Variants in SLIT2 observed in about 807,000 individuals in gnomAD.
SLIT2 encodes the protein slit homolog 2 protein.
A neutral mutation model predicts 185.7 loss-of-function variants in SLIT2; 41 were observed. The ratio of observed to expected loss-of-function variants is 0.22; its 90% CI spans 0.17 to 0.29. SLIT2 has a LOEUF of 0.29. Ranked by LOEUF, SLIT2 falls within the 10% of genes least tolerant of loss-of-function variation. The pLI, the probability that SLIT2 is intolerant of heterozygous loss-of-function variation, is 1.00. For missense variants in SLIT2, 1,571 were observed against 1,909.0 expected, an observed-to-expected ratio of 0.82 and a Z score of 3.30; for synonymous variants, 693 against 680.2, an observed-to-expected ratio of 1.02 and a Z score of -0.29.
chr4:20,316,076 G>A (rs531451464), intron 4 of SLIT2, among the ~76,000 whole-genome samples: 41 of 152,082 alleles, frequency 2.7e-4, no homozygotes, highest in African/African-American at 9.1e-4. Context: ...AAAAATGTGA[G>A]CTAGGCAAAA....
At chr4:20,461,476 C>T (rs1259527571) in intron 4 of SLIT2, among the ~76,000 whole-genome samples, 1 of 152,136 alleles carries the variant, frequency 6.6e-6, no homozygotes, top group Non-Finnish European at 1.5e-5. Flanking sequence ...TTTGAGCTTT[C>T]CTTTGTAATG....
At chr4:20,466,694 A>T (rs1419207046) in intron 4 of SLIT2, among the ~76,000 whole-genome samples, 1 of 152,118 alleles carries the variant, frequency 6.6e-6, no homozygotes, top group Admixed American at 6.6e-5. Context: ...GAGGATGTGG[A>T]TGAGTCTGTC....
intron 7 of SLIT2, among the ~76,000 whole-genome samples, chr4:20,487,170 T>TC (rs1717321722): frequency 2.0e-5 from 3 of 152,120 alleles, no homozygotes; most frequent in African/African-American, 7.2e-5. Flanking sequence ...GTCATTTTTT[T>TC]CTTACTGAAA....
intron 11 of SLIT2, among the ~76,000 whole-genome samples, chr4:20,515,105 G>A (rs1196823792): frequency 1.3e-5 from 2 of 152,080 alleles, no homozygotes; most frequent in Non-Finnish European, 2.9e-5. Context: ...TGACCTTTAG[G>A]ACACTAGGTG....
intron 33 of SLIT2, among the ~76,000 whole-genome samples, chr4:20,603,261 A>G (rs550113212): frequency 2.0e-5 from 3 of 152,302 alleles, no homozygotes; most frequent in African/African-American, 7.2e-5. Flanking sequence ...ATTCGCTACC[A>G]TGATAACAGT....
intron 29 of SLIT2, among the ~76,000 whole-genome samples, chr4:20,578,420 A>T (rs1361617338): frequency 6.6e-6 from 1 of 152,228 alleles, no homozygotes; most frequent in Non-Finnish European, 1.5e-5. Flanking sequence ...TTGACTGATT[A>T]CATTTAACAC....
At chr4:20,506,184 G>A (rs1055376266) in intron 9 of SLIT2, among the ~76,000 whole-genome samples, 1 of 151,926 alleles carries the variant, frequency 6.6e-6, no homozygotes, top group Non-Finnish European at 1.5e-5. Context: ...CTTTTACATG[G>A]AAAAGTCTTT....
At chr4:20,389,571 G>C (rs900139797) in intron 4 of SLIT2, among the ~76,000 whole-genome samples, 3 of 150,972 alleles carry the variant, frequency 2.0e-5, no homozygotes, top group African/African-American at 4.9e-5. Flanking sequence ...AGAGTGTTTT[G>C]TGGCTACAGA....
chr4:20,579,872 T>G (rs1344562375), intron 29 of SLIT2, among the ~76,000 whole-genome samples: 2 of 150,944 alleles, frequency 1.3e-5, no homozygotes, highest in East Asian at 3.9e-4. Flanking sequence ...CAACAATGCT[T>G]AATGAGTTAA....
chr4:20,265,398 G>A (rs77579018), intron 3 of SLIT2, among the ~76,000 whole-genome samples: 8 of 151,918 alleles, frequency 5.3e-5, no homozygotes, highest in Non-Finnish European at 1.0e-4. Context: ...GGATGGAAGA[G>A]AGAATAGAAA....
At position 20,553,795 on chromosome 4, in the gene SLIT2, G is replaced by T. The variant is rs368693678; in HGVS notation, c.2562-10G>T. On this transcript the variant is annotated splice_polypyrimidine_tract_variant and intron_variant, in intron 25 of 36. Coordinates refer to ENST00000504154, the MANE Select transcript of SLIT2 (RefSeq NM_004787.4). ...TATGTGTGTGTGCTTCTGTGGTGTT[G>T]TTTTTCCAGAGCAATTGGAGCCAAC... is the stretch of plus-strand genomic sequence containing the variant. 4.5e-5 allele frequency: 70 copies of T among 1,557,398 alleles called. No individual in the cohort carries two copies. Among genetic ancestry groups the T allele is most frequent in the Admixed American group, 6.0e-5 (3 of 49,624 alleles).
chr4:20,418,473 A>G (rs1350177926), intron 4 of SLIT2, among the ~76,000 whole-genome samples: 1 of 152,184 alleles, frequency 6.6e-6, no homozygotes, highest in East Asian at 1.9e-4. Flanking sequence ...CTCACTCCAA[A>G]AGCCTAGTTA....
intron 4 of SLIT2, among the ~76,000 whole-genome samples, chr4:20,437,183 A>C (rs1000556819): frequency 6.6e-6 from 1 of 152,078 alleles, no homozygotes; most frequent in South Asian, 2.1e-4. Flanking sequence ...CCTCCCCCGC[A>C]TCTCCATTTG....
chr4:20,512,605 T>G (rs1237475894), intron 11 of SLIT2, among the ~76,000 whole-genome samples: 2 of 152,090 alleles, frequency 1.3e-5, no homozygotes, highest in African/African-American at 4.8e-5. Flanking sequence ...AGTGTAAAAC[T>G]CAGATCACCC....
At chr4:20,323,755 A>T (rs2109174240) in intron 4 of SLIT2, among the ~76,000 whole-genome samples, 1 of 152,334 alleles carries the variant, frequency 6.6e-6, no homozygotes, top group Non-Finnish European at 1.5e-5. Context: ...AGGAAAAAAC[A>T]GAAACTTGTA....
intron 34 of SLIT2, chr4:20,616,344 C>T (rs943334267): frequency 7.2e-5 from 11 of 152,250 alleles, no homozygotes; most frequent in African/African-American, 2.4e-4. Flanking sequence ...GTGGACCTAA[C>T]CCTGACTCCA....
At chr4:20,263,886 T>C (rs1482415469) in intron 3 of SLIT2, among the ~76,000 whole-genome samples, 2 of 151,912 alleles carry the variant, frequency 1.3e-5, no homozygotes, top group African/African-American at 2.4e-5. Flanking sequence ...TCTTAGCTGC[T>C]AAAGTGTATA....
In SLIT2 at chr4:20,380,640, CTGTA is replaced by C. The variant is rs530541453; in HGVS notation, c.396-87108_396-87105del. On this transcript the variant is annotated intron_variant, in intron 4 of 36. Transcript: ENST00000504154. ...AAAATATATAAAAATTAAAAATACA[CTGTA>C]TGTGAGCAGTAATAGATAAACACTT... 1.6e-3 allele frequency among the ~76,000 whole-genome samples: 247 copies of C among 152,014 alleles called. 1 individual carries two copies. The highest frequency in any genetic ancestry group is 2.5e-3 in the South Asian group (12 of 4,820).
intron 29 of SLIT2, among the ~76,000 whole-genome samples, chr4:20,571,911 G>A (rs1315717069): frequency 1.3e-5 from 2 of 152,122 alleles, no homozygotes; most frequent in South Asian, 2.1e-4. Context: ...GAGTCAGAAC[G>A]GACATTATGT....
Sources: allele counts gnomAD v4.1 joint callset (sites outside exome capture counted in the v4.1 genomes callset), GRCh38; gene constraint gnomAD v4.1.1; transcripts MANE v1.5; gene names NCBI Gene and HGNC (gene_info 2026-07-23, HGNC 2026-07-21).